Variants in GNAL observed in about 807,000 individuals in gnomAD.
GNAL encodes the protein G protein subunit alpha L.
GNAL carries 18 observed loss-of-function variants against 55.1 expected under a neutral mutation model. The observed-to-expected ratio is 0.33, with a 90% confidence interval of 0.23 to 0.48. The LOEUF is 0.48. GNAL is among the 20% of genes least tolerant of loss of function. The pLI is 0.99. For missense variants in GNAL, 412 were observed against 614.1 expected (o/e 0.67, Z 3.48); for synonymous variants, 253 against 237.0 (o/e 1.07, Z -0.62).
intron 4 of GNAL, among the ~76,000 whole-genome samples, chr18:11,774,343 T>A (rs1187936038): frequency 6.6e-6 from 1 of 152,348 alleles, no homozygotes; most frequent in African/African-American, 2.4e-5. Flanking sequence ...CAACAAATAC[T>A]ATATTCTGCA....
intron 4 of GNAL, among the ~76,000 whole-genome samples, chr18:11,758,880 T>C (rs1240213543): frequency 6.6e-6 from 1 of 152,114 alleles, no homozygotes; most frequent in Non-Finnish European, 1.5e-5. Flanking sequence ...ATTTATGAAA[T>C]AGGAAAAATA....
intron 2 of GNAL, 148 bp downstream of exon 2, chr18:11,753,073 T>A: frequency 1.7e-6 from 1 of 594,902 alleles, no homozygotes; most frequent in Non-Finnish European, 3.0e-6. Flanking sequence ...GCTGTTGGAT[T>A]TGGTATATTT....
intron 5 of GNAL, among the ~76,000 whole-genome samples, chr18:11,830,115 C>T (rs2035345218): frequency 6.6e-6 from 1 of 152,094 alleles, no homozygotes; most frequent in African/African-American, 2.4e-5. Context: ...ACAGCCAACC[C>T]TCATCTCCTT....
chr18:11,751,892 A>G lies in GNAL; in HGVS notation c.377-961A>G, dbSNP rs943752718. Among the ~76,000 whole-genome samples the G allele has an allele frequency of 6.6e-6, 1 of 152,096 alleles. No individual in the cohort carries two copies. Among genetic ancestry groups the G allele is most frequent in the South Asian group, 2.1e-4 (1 of 4,834 alleles). ...GCACGTCCGACGGCTGAGGAATAGCAGGGCGCGAGCCGGCCCGGCAGGTGC... is the reference window on the plus strand; with the variant it reads ...GCACGTCCGACGGCTGAGGAATAGCGGGGCGCGAGCCGGCCCGGCAGGTGC... On this transcript the variant is annotated intron_variant, in intron 1 of 11. Transcript: ENST00000334049. This position sits in a 1 kb window ranked among gnomAD's most constrained non-coding sequence, Gnocchi z 4.5.
At chr18:11,791,793 G>A (rs531135809) in intron 4 of GNAL, among the ~76,000 whole-genome samples, 3 of 152,202 alleles carry the variant, frequency 2.0e-5, no homozygotes, top group Admixed American at 6.5e-5. Flanking sequence ...AAAGGACTTC[G>A]GACTCAAGTA....
At chr18:11,788,910 A>ATATATATATAT (rs1314963053) in intron 4 of GNAL, among the ~76,000 whole-genome samples, 89 of 73,256 alleles carry the variant, frequency 1.2e-3, no homozygotes, top group South Asian at 2.4e-3. Flanking sequence ...AAAAAAAAAA[A>ATATATATATAT]AAAAATATAT....
At chr18:11,813,918 G>C (rs1160888402) in intron 4 of GNAL, among the ~76,000 whole-genome samples, 1 of 152,026 alleles carries the variant, frequency 6.6e-6, no homozygotes, top group African/African-American at 2.4e-5. Context: ...TTAACAGAGA[G>C]CCAGAGATAC....
At position 11,764,350 on chromosome 18, in the gene GNAL, G is replaced by C. The variant is rs551963899; in HGVS notation, c.624+10405G>C. 3.5e-3 allele frequency among the ~76,000 whole-genome samples: 529 copies of C among 152,032 alleles called. 8 individuals carry two copies. Among genetic ancestry groups the C allele is most frequent in the African/African-American group, 0.012 (507 of 41,466 alleles). ...TCAAACTCCCAACCTTAAGTAATCC[G>C]CCCACCTTGACCTCCCAAGGTGTTG... On this transcript the variant is annotated intron_variant, in intron 4 of 11. Coordinates refer to ENST00000334049, the MANE Select transcript of GNAL (RefSeq NM_182978.4).
At chr18:11,741,781 C>T (rs886975653) in intron 1 of GNAL, among the ~76,000 whole-genome samples, 2 of 152,232 alleles carry the variant, frequency 1.3e-5, no homozygotes, top group African/African-American at 4.8e-5. Context: ...ATTGAAGTCA[C>T]TCAGCTGTCA....
chr18:11,707,607 T>G lies in GNAL; in HGVS notation c.376+17668T>G, dbSNP rs1361166649. Among the ~76,000 whole-genome samples the G allele has an allele frequency of 2.6e-5, 4 of 152,216 alleles. No individual in the cohort carries two copies. The South Asian group carries it at 6.2e-4, about 24-fold the overall frequency. On this transcript the variant is annotated intron_variant, in intron 1 of 11. Coordinates refer to ENST00000334049, the MANE Select transcript of GNAL (RefSeq NM_182978.4). ...TGGTAAATGAGCATTGATTTCAACT[T>G]AAAGTTACCAGTTGCATTAGCACCT...
chr18:11,689,481 C>G lies in GNAL; in HGVS notation c.-83C>G, dbSNP rs773260769. The G allele has an allele frequency of 8.4e-4, 513 of 608,328 alleles. No individual in the cohort carries two copies. Among genetic ancestry groups the G allele is most frequent in the Non-Finnish European group, 1.1e-3 (468 of 422,968 alleles). 37.7% of individuals were successfully genotyped at this position (608,328 alleles called of 1,614,324 possible). On this transcript the variant is annotated 5_prime_UTR_variant, in exon 1 of 12. Transcript: ENST00000334049. ...CCCGCCCCTCCGCTGAGGCGCCGGC[C>G]TGAACTGGGCGCGGGAACCAGGCCG...
At chr18:11,710,279 G>A (rs772050674) in intron 1 of GNAL, among the ~76,000 whole-genome samples, 2 of 151,998 alleles carry the variant, frequency 1.3e-5, no homozygotes, top group Non-Finnish European at 2.9e-5. Flanking sequence ...CTTTGGTATC[G>A]GCATACACTG....
intron 4 of GNAL, among the ~76,000 whole-genome samples, chr18:11,771,917 C>T (rs1443330700): frequency 3.3e-5 from 5 of 151,948 alleles, no homozygotes; most frequent in African/African-American, 4.8e-5. Context: ...GATCAGGTTT[C>T]GCCATGTTGG....
chr18:11,787,474 A>G (rs889567219), intron 4 of GNAL, among the ~76,000 whole-genome samples: 1 of 152,238 alleles, frequency 6.6e-6, no homozygotes, highest in African/African-American at 2.4e-5. Context: ...TGCGGAACTC[A>G]TATAAGATAC....
intron 4 of GNAL, among the ~76,000 whole-genome samples, chr18:11,799,309 G>C (rs1312048139): frequency 1.3e-5 from 2 of 152,128 alleles, no homozygotes; most frequent in Non-Finnish European, 2.9e-5. Flanking sequence ...TCACCACTCT[G>C]TTGTCTTAGG....
rs1049509563 is a variant in GNAL, at chr18:11,883,276, A to G, written c.*2141A>G. On this transcript the variant is annotated 3_prime_UTR_variant, in exon 12 of 12. Transcript: ENST00000334049. ...CAGCTGAACTAAGATAAATAATACAATGGAAATTATTTTCAGTTCCCCTTG... is the reference window on the plus strand; with the variant it reads ...CAGCTGAACTAAGATAAATAATACAGTGGAAATTATTTTCAGTTCCCCTTG... 6.6e-6 allele frequency: 1 copy of G among 152,236 alleles called. No individual in the cohort carries two copies. The highest frequency in any genetic ancestry group is 1.5e-5 in the Non-Finnish European group (1 of 68,026). The allele number at this position is 152,236 out of a possible 1,614,324, so 9.4% of individuals were successfully genotyped here.
chr18:11,788,897 GA>G lies in GNAL; in HGVS notation c.624+34970del, dbSNP rs1162398867. 5.6e-3 allele frequency among the ~76,000 whole-genome samples: 464 copies of G among 82,462 alleles called. 4 individuals carry two copies. Among genetic ancestry groups the G allele is most frequent in the African/African-American group, 0.013 (169 of 13,326 alleles). The allele number at this position is 82,462 out of a possible 152,430, so 54.1% of individuals were successfully genotyped here. On this transcript the variant is annotated intron_variant, in intron 4 of 11. Transcript: ENST00000334049. The stretch of plus-strand genomic sequence containing the variant: ...AGGAGACAGAGCAAGACTCCGTCTC[GA>G]AAAAAAAAAAAAAAAAATATATATA...
intron 4 of GNAL, among the ~76,000 whole-genome samples, chr18:11,799,622 C>T (rs1045050374): frequency 6.6e-6 from 1 of 152,208 alleles, no homozygotes; most frequent in East Asian, 1.9e-4. Context: ...AAAGGAAATA[C>T]TCACTGGAGT....
At chr18:11,838,026 G>T (rs539364360) in intron 5 of GNAL, among the ~76,000 whole-genome samples, 1 of 152,218 alleles carries the variant, frequency 6.6e-6, no homozygotes, top group South Asian at 2.1e-4. Flanking sequence ...AGCTACTTGG[G>T]GGGCCGAGGC....
Sources: allele counts gnomAD v4.1 joint callset (sites outside exome capture counted in the v4.1 genomes callset), GRCh38; gene constraint gnomAD v4.1.1; non-coding constraint Gnocchi (gnomAD v3.1); transcripts MANE v1.5; gene names NCBI Gene and HGNC (gene_info 2026-07-23, HGNC 2026-07-21).